Variants in SCGB2B2 observed in about 807,000 individuals in gnomAD.
SCGB2B2 encodes secretoglobin-like protein.
In SCGB2B2, 11 loss-of-function variants were observed where a neutral mutation model predicts 7.6. The ratio of observed to expected loss-of-function variants is 1.45; its 90% CI spans 0.91 to 2.40. The LOEUF (loss-of-function observed/expected upper bound fraction) is 2.40. SCGB2B2 is among the 30% of genes most tolerant of loss of function. The pLI is 0.00. For missense variants in SCGB2B2, 104 were observed against 115.4 expected (o/e 0.90, Z 0.45); for synonymous variants, 50 against 48.6 (o/e 1.03, Z -0.12).
In SCGB2B2 at chr19:34,676,441, T is replaced by C. The variant is rs914066238; in HGVS notation, c.-2843A>G. 2.6e-5 allele frequency: 4 copies of C among 152,212 alleles called. No homozygotes were observed. The highest frequency in any genetic ancestry group is 5.9e-5 in the Non-Finnish European group (4 of 68,036). The allele number at this position is 152,212 out of a possible 1,614,324, so 9.4% of individuals were successfully genotyped here. On this transcript the variant is annotated 5_prime_UTR_variant, in exon 1 of 4. Coordinates refer to ENST00000601241, the MANE Select transcript of SCGB2B2 (RefSeq NM_001025591.4). ...GCCCTCAGCTCCGAGAAATTGAAATTGCCCACCTCTTTCCTGGAAAACTCA... is the reference window on the plus strand; with the variant it reads ...GCCCTCAGCTCCGAGAAATTGAAATCGCCCACCTCTTTCCTGGAAAACTCA...
downstream of SCGB2B2, among the ~76,000 whole-genome samples, chr19:34,589,650 G>A (rs1038572229): frequency 1.3e-5 from 2 of 152,162 alleles, no homozygotes; most frequent in Non-Finnish European, 2.9e-5. Flanking sequence ...AGGCTCAGTG[G>A]AGAAGGGCTT....
intron 1 of SCGB2B2, among the ~76,000 whole-genome samples, chr19:34,633,806 A>G (rs2066601754): frequency 1.3e-5 from 2 of 152,160 alleles, no homozygotes; most frequent in South Asian, 4.1e-4. Flanking sequence ...ATGGCTCCAC[A>G]TAAAAAATCT....
At chr19:34,596,821 A>G (rs1880482367) in intron 1 of SCGB2B2, among the ~76,000 whole-genome samples, 1 of 151,936 alleles carries the variant, frequency 6.6e-6, no homozygotes, top group Non-Finnish European at 1.5e-5. Context: ...TGAGCAGCAG[A>G]GTCAGGGAAT....
intron 1 of SCGB2B2, among the ~76,000 whole-genome samples, chr19:34,630,499 A>G (rs2066499419): frequency 6.6e-6 from 1 of 152,046 alleles, no homozygotes; most frequent in African/African-American, 2.4e-5. Flanking sequence ...TGCAGCCTAA[A>G]GACACATGAA....
chr19:34,602,991 C>T (rs573487914), intron 1 of SCGB2B2, among the ~76,000 whole-genome samples: 41 of 152,180 alleles, frequency 2.7e-4, no homozygotes, highest in African/African-American at 9.6e-4. Flanking sequence ...TAAGTATTTG[C>T]CAGAACTTTC....
chr19:34,614,746 T>C (rs1006802801), intron 1 of SCGB2B2, among the ~76,000 whole-genome samples: 7 of 152,232 alleles, frequency 4.6e-5, no homozygotes, highest in Admixed American at 1.3e-4. Flanking sequence ...TCAAACTTTT[T>C]AGAGTTGCTT....
chr19:34,633,541 T>A (rs1294033840), intron 1 of SCGB2B2, among the ~76,000 whole-genome samples: 1 of 152,152 alleles, frequency 6.6e-6, no homozygotes, highest in African/African-American at 2.4e-5. Context: ...ATTCCATTTA[T>A]GTAAAGTTTT....
chr19:34,588,985 C>G (rs982750821), downstream of SCGB2B2, among the ~76,000 whole-genome samples: 7 of 152,242 alleles, frequency 4.6e-5, no homozygotes, highest in Admixed American at 3.3e-4. Flanking sequence ...GATCAGGTCT[C>G]AAGGTCAGCA....
rs576120377 is a variant in SCGB2B2, at chr19:34,621,196, T to C, written c.-2031-24602A>G. 1.7e-3 allele frequency among the ~76,000 whole-genome samples: 255 copies of C among 152,332 alleles called. 1 individual carries two copies. Among genetic ancestry groups the C allele is most frequent in the African/African-American group, 5.7e-3 (235 of 41,584 alleles). On this transcript the variant is annotated intron_variant, in intron 1 of 3. Transcript: ENST00000601241. ...GTATAACCATTACACACATAACATA[T>C]ATATGACTACACAGACAGAAGAAAA...
At chr19:34,670,407 G>A (rs569848787) in intron 1 of SCGB2B2, among the ~76,000 whole-genome samples, 3 of 152,274 alleles carry the variant, frequency 2.0e-5, no homozygotes, top group South Asian at 4.1e-4. Flanking sequence ...CCAACACTTG[G>A]TATGGTCAGT....
intron 1 of SCGB2B2, among the ~76,000 whole-genome samples, chr19:34,627,098 C>G (rs766527985): frequency 5.5e-4 from 84 of 152,112 alleles, no homozygotes; most frequent in Non-Finnish European, 9.0e-4. Context: ...TACAAGAGCT[C>G]CTGAAGGAAG....
intron 1 of SCGB2B2, among the ~76,000 whole-genome samples, chr19:34,634,113 C>A (rs1360995014): frequency 6.6e-6 from 1 of 152,208 alleles, no homozygotes; most frequent in Non-Finnish European, 1.5e-5. Flanking sequence ...GAGACTAAAT[C>A]TGGAAGTCCT....
At chr19:34,603,192 G>A (rs1454076343) in intron 1 of SCGB2B2, among the ~76,000 whole-genome samples, 1 of 152,132 alleles carries the variant, frequency 6.6e-6, no homozygotes, top group African/African-American at 2.4e-5. Context: ...CAAAGAAAAA[G>A]CATGTTCAGC....
intron 1 of SCGB2B2, chr19:34,634,719 T>C (rs1405446030): frequency 6.4e-6 from 1 of 156,574 alleles, no homozygotes; most frequent in African/African-American, 2.4e-5. Flanking sequence ...TTTAATGAGG[T>C]TGGACTTGTG....
chr19:34,609,237 T>G (rs1343504764), intron 1 of SCGB2B2, among the ~76,000 whole-genome samples: 2 of 152,186 alleles, frequency 1.3e-5, no homozygotes, highest in Non-Finnish European at 2.9e-5. Flanking sequence ...CTTTGTCAGA[T>G]GAATAGTTTG....
chr19:34,608,727 G>A (rs1353851394), intron 1 of SCGB2B2: 1 of 129,808 alleles, frequency 7.7e-6, no homozygotes, highest in Non-Finnish European at 1.6e-5. Flanking sequence ...GGACACTGAG[G>A]TTGAGTCAAA....
intron 1 of SCGB2B2, among the ~76,000 whole-genome samples, chr19:34,670,666 C>G (rs2067778680): frequency 6.6e-6 from 1 of 152,194 alleles, no homozygotes. Flanking sequence ...GTATAGTCTT[C>G]TAGCCTATGG....
chr19:34,675,986 G>A lies in SCGB2B2; in HGVS notation c.-2388C>T, dbSNP rs112257898. The A allele has an allele frequency of 0.016, 2,493 of 152,324 alleles. 42 individuals are homozygous for A. The highest frequency in any genetic ancestry group is 0.084 in the South Asian group (405 of 4,822). The allele number at this position is 152,324 out of a possible 1,614,324, so 9.4% of individuals were successfully genotyped here. The stretch of plus-strand genomic sequence containing the variant: ...CTCATAAAGGTAGTGCAGACCCAAA[G>A]AGCAAAAGAACAAACATCCCACACC... On this transcript the variant is annotated 5_prime_UTR_variant, in exon 1 of 4. Transcript: ENST00000601241.
chr19:34,627,569 A>G (rs1360787730), intron 1 of SCGB2B2, among the ~76,000 whole-genome samples: 1 of 152,234 alleles, frequency 6.6e-6, no homozygotes, highest in East Asian at 1.9e-4. Flanking sequence ...AGAGCTAACT[A>G]TCCTAAATAT....
Sources: gnomAD v4.1 joint callset for allele counts (sites outside exome capture counted in the v4.1 genomes callset) on GRCh38, gnomAD v4.1.1 for gene constraint, MANE v1.5 for transcripts, NCBI Gene and HGNC (gene_info 2026-07-23, HGNC 2026-07-21) for gene names.